DNMT3A: variants seen among roughly 807,000 people sequenced by gnomAD.
DNMT3A encodes the protein DNA (cytosine-5)-methyltransferase 3A.
Under a neutral mutation model 117.6 loss-of-function variants are expected in DNMT3A, and 267 were observed. That is an observed-to-expected ratio of 2.27 (90% CI 2.05 to 2.51). The LOEUF (loss-of-function observed/expected upper bound fraction) is 2.51. Ranked by LOEUF, DNMT3A falls within the 30% of genes most tolerant of loss-of-function variation. DNMT3A has a pLI of 0.00. For synonymous variants in DNMT3A, 432 were observed against 474.8 expected (o/e 0.91, Z 1.17); for missense variants, 1,029 against 1,260.2 (o/e 0.82, Z 2.78).
Position 25,239,179 on chromosome 2 carries a change from C to A in DNMT3A, c.2359G>T (p.Ala787Ser), listed in dbSNP as rs375845138. The A allele has an allele frequency of 6.2e-7, 1 of 1,613,978 alleles. No individual in the cohort carries two copies. The highest frequency in any genetic ancestry group is 8.5e-7 in the Non-Finnish European group (1 of 1,179,996). ...PVMIDAKEVS[A>S]AHRARYFWGN... is the part of the protein sequence containing the mutation. ...CAGAAGTAGCGGGCCCTGTGTGCAG[C>A]TGACACTTCTTTGGCATCAATCATC... is the stretch of plus-strand genomic sequence containing the variant. The change falls in exon 20 of 23, where the codon GCT becomes TCT. Residue 787 changes from alanine (A) to serine (S), a missense_variant. Ala to Ser is a moderately conservative substitution (Grantham distance 99, BLOSUM62 1). Coordinates refer to ENST00000321117, the MANE Select transcript of DNMT3A (RefSeq NM_022552.5).
intron 1 of DNMT3A, among the ~76,000 whole-genome samples, chr2:25,336,372 G>C (rs565299539): frequency 6.6e-6 from 1 of 152,108 alleles, no homozygotes; most frequent in Non-Finnish European, 1.5e-5. Flanking sequence ...GGCAAGGGGG[G>C]ACATGGAGAC....
chr2:25,249,820 C>T (rs1573349052), intron 6 of DNMT3A: 1 of 1,341,670 alleles, frequency 7.5e-7, no homozygotes, highest in Non-Finnish European at 1.1e-6. Context: ...CAAGGCTTTG[C>T]ACCCATTTCC....
Position 25,233,072 on chromosome 2 carries a change from G to T in DNMT3A, c.*1207C>A, listed in dbSNP as rs914529704. On this transcript the variant is annotated 3_prime_UTR_variant, in exon 23 of 23. Transcript: ENST00000321117. ...TCTGATCCCACCACAAGGAGCCCTC[G>T]AATTGGCTAAAGTGAGAAACTGGGC... 23 of 233,526 alleles carry T rather than the reference G, an allele frequency of 9.8e-5. No homozygotes were observed. The highest frequency in any genetic ancestry group is 3.8e-4 in the African/African-American group (17 of 45,308). The allele number at this position is 233,526 out of a possible 1,614,324, so 14.5% of individuals were successfully genotyped here.
chr2:25,285,662 G>A (rs1553424480), intron 3 of DNMT3A, among the ~76,000 whole-genome samples: 1 of 152,232 alleles, frequency 6.6e-6, no homozygotes, highest in Non-Finnish European at 1.5e-5. Flanking sequence ...GAGCCAGGAA[G>A]GCCAAATCCG....
At chr2:25,269,741 G>A (rs914002029) in intron 6 of DNMT3A, among the ~76,000 whole-genome samples, 2 of 152,122 alleles carry the variant, frequency 1.3e-5, no homozygotes, top group African/African-American at 2.4e-5. Flanking sequence ...ACAGGAGATG[G>A]AACAGACAGA....
At chr2:25,260,929 G>A (rs931381997) in intron 6 of DNMT3A, among the ~76,000 whole-genome samples, 1 of 152,186 alleles carries the variant, frequency 6.6e-6, no homozygotes, top group African/African-American at 2.4e-5. Context: ...AAGAGTCCAA[G>A]GCTGCAGTGA....
rs1184125497 is a variant in DNMT3A at position 25,297,507 on chromosome 2, GTTTTTTTTTTT to G, written c.177+2621_177+2631del. Among the ~76,000 whole-genome samples the G allele has an allele frequency of 3.2e-5, 4 of 123,454 alleles. No homozygotes were observed. In the East Asian group the frequency reaches 7.0e-4, roughly 22 times the overall value. 81.0% of individuals were successfully genotyped at this position (123,454 alleles called of 152,430 possible). A position where few individuals can be genotyped will look rare whatever the true frequency, so the allele number is the denominator to read the frequency against. ...TTTTTTACACAGCCAGCTCTGCATT[GTTTTTTTTTTT>G]TTTTTTTTTTGAGACAGAGTCTCGC... is the stretch of plus-strand genomic sequence containing the variant. On this transcript the variant is annotated intron_variant, in intron 3 of 22. Coordinates refer to ENST00000321117, the MANE Select transcript of DNMT3A (RefSeq NM_022552.5).
intron 11 of DNMT3A, 31 bp from the exon 12 acceptor site, chr2:25,246,095 A>C: frequency 1.2e-6 from 2 of 1,614,166 alleles, no homozygotes; most frequent in Non-Finnish European, 1.7e-6. Flanking sequence ...GCGTCAGAGG[A>C]GGCCGCGCCT....
chr2:25,245,946 A>G, intron 12 of DNMT3A, 74 bp downstream of exon 12: 1 of 1,599,148 alleles, frequency 6.3e-7, no homozygotes, highest in South Asian at 1.1e-5. Context: ...TGTCATTCAA[A>G]CCTTCCTAAG....
At chr2:25,314,755 A>T in intron 1 of DNMT3A, 1 of 959,544 alleles carries the variant, frequency 1.0e-6, no homozygotes, top group Non-Finnish European at 1.2e-6. Context: ...GCCACGGCCA[A>T]GGCCACAGGC....
intron 1 of DNMT3A, among the ~76,000 whole-genome samples, chr2:25,332,807 A>T (rs542183382): frequency 6.6e-6 from 1 of 152,338 alleles, no homozygotes; most frequent in African/African-American, 2.4e-5. Flanking sequence ...CTGTGCGTGG[A>T]TGGCAACAAG....
chr2:25,281,723 C>T lies in DNMT3A; in HGVS notation c.448+718G>A, dbSNP rs1017578868. ...CCTCATTACTAACATGTTTACAGCT[C>T]GGTTGGCCCTGAAATTGCTGGCTTA... On this transcript the variant is annotated intron_variant, in intron 4 of 22. Transcript: ENST00000321117. This position sits in a 1 kb window ranked among gnomAD's most constrained non-coding sequence, Gnocchi z 4.8. The T allele has an allele frequency of 1.5e-5, 16 of 1,065,784 alleles. No individual in the cohort carries two copies. In the Admixed American group the frequency reaches 4.8e-4, roughly 32 times the overall value. The allele number at this position is 1,065,784 out of a possible 1,614,324, so 66.0% of individuals were successfully genotyped here.
chr2:25,271,115 C>T (rs1458906827), intron 6 of DNMT3A, among the ~76,000 whole-genome samples: 4 of 152,198 alleles, frequency 2.6e-5, no homozygotes, highest in South Asian at 2.1e-4. Flanking sequence ...GAGGCCAAGG[C>T]GGGCAGATCA....
rs751249878 is a variant in DNMT3A at position 25,282,753 on chromosome 2, G to A, written c.178-42C>T. On this transcript the variant is annotated intron_variant, in intron 3 of 22. Transcript: ENST00000321117. The surrounding 1 kb of genome is among the most constrained non-coding windows in gnomAD (Gnocchi z 5.2). ...GATACACAAGAGGAGGGTTAGATCA[G>A]TGGGCTTAGCCTGTTTTGGATCATT... The A allele has an allele frequency of 1.3e-6, 2 of 1,500,454 alleles. No individual in the cohort carries two copies. The highest frequency in any genetic ancestry group is 1.8e-6 in the Non-Finnish European group (2 of 1,124,832). 92.9% of individuals were successfully genotyped at this position (1,500,454 alleles called of 1,614,324 possible). A position where few individuals can be genotyped will look rare whatever the true frequency, so the allele number is the denominator to read the frequency against.
chr2:25,317,701 A>C (rs759693410), intron 1 of DNMT3A, among the ~76,000 whole-genome samples: 4 of 152,212 alleles, frequency 2.6e-5, no homozygotes, highest in Non-Finnish European at 4.4e-5. Flanking sequence ...GCTGAAGACA[A>C]AGATGATATA....
chr2:25,250,079 AACG>A (rs112073767), intron 6 of DNMT3A, among the ~76,000 whole-genome samples: 1,946 of 152,304 alleles, frequency 0.013, 47 homozygotes, highest in African/African-American at 0.044. Context: ...AAGGCACCTG[AACG>A]GAAGGATTTC....
chr2:25,239,678 T>C (rs565065241), intron 19 of DNMT3A, among the ~76,000 whole-genome samples: 1 of 152,174 alleles, frequency 6.6e-6, no homozygotes, highest in Admixed American at 6.5e-5. Context: ...GAGCCCTGAT[T>C]AGAACTCAAA....
rs1220783593 is a variant in DNMT3A, at chr2:25,305,015, C to T, written c.73-4772G>A. ...AGTGTGGGTGTCTGATTCATGCTGG[C>T]ATCCAGAATGCCTAGACGGATGCAT... is the stretch of plus-strand genomic sequence containing the variant. On this transcript the variant is annotated intron_variant, in intron 2 of 22. Coordinates refer to ENST00000321117, the MANE Select transcript of DNMT3A (RefSeq NM_022552.5). The surrounding 1 kb of genome is among the most constrained non-coding windows in gnomAD (Gnocchi z 4.1). 6.6e-6 allele frequency among the ~76,000 whole-genome samples: 1 copy of T among 152,236 alleles called. No individual in the cohort carries two copies. The highest frequency in any genetic ancestry group is 1.5e-5 in the Non-Finnish European group (1 of 68,054).
intron 1 of DNMT3A, among the ~76,000 whole-genome samples, chr2:25,321,605 CA>C (rs2034600059): frequency 6.6e-6 from 1 of 152,192 alleles, no homozygotes; most frequent in Admixed American, 6.5e-5. Flanking sequence ...ACCAAATGCA[CA>C]AAACATTTTT....
Sources: allele counts gnomAD v4.1 joint callset (sites outside exome capture counted in the v4.1 genomes callset), GRCh38; gene constraint gnomAD v4.1.1; non-coding constraint Gnocchi (gnomAD v3.1); transcripts MANE v1.5; gene names NCBI Gene and HGNC (gene_info 2026-07-23, HGNC 2026-07-21).